Variants in RPH3A observed in about 807,000 individuals in gnomAD.
RPH3A encodes the protein rabphilin-3A.
In RPH3A, 48 loss-of-function variants were observed where a neutral mutation model predicts 102.2. That is an observed-to-expected ratio of 0.47 (90% CI 0.37 to 0.60). The LOEUF (loss-of-function observed/expected upper bound fraction) is 0.60, where lower values mean the gene tolerates loss of function less well. RPH3A is among the 20% of genes least tolerant of loss of function. The pLI, the probability that RPH3A is intolerant of heterozygous loss-of-function variation, is 0.00. For missense variants in RPH3A, 781 were observed against 910.1 expected (o/e 0.86, Z 1.83); for synonymous variants, 310 against 324.3 (o/e 0.96, Z 0.47).
At chr12:112,578,020 TC>T (rs1172387036) in intron 1 of RPH3A, among the ~76,000 whole-genome samples, 1 of 152,156 alleles carries the variant, frequency 6.6e-6, no homozygotes, top group Non-Finnish European at 1.5e-5. Context: ...AAATCTCTCT[TC>T]CCCTCTGAGT....
intron 5 of RPH3A, among the ~76,000 whole-genome samples, chr12:112,862,062 G>C (rs1012330712): frequency 2.0e-5 from 3 of 150,018 alleles, no homozygotes; most frequent in African/African-American, 7.4e-5. Flanking sequence ...GCTCACATCT[G>C]TAATCCCAAT....
At chr12:112,681,220 C>T (rs191183596) in intron 1 of RPH3A, among the ~76,000 whole-genome samples, 16 of 152,286 alleles carry the variant, frequency 1.1e-4, no homozygotes, top group Admixed American at 3.3e-4. Context: ...CTCTGCTGCC[C>T]GCTTCTCACT....
chr12:112,691,183 C>T (rs775809678), intron 1 of RPH3A, among the ~76,000 whole-genome samples: 16 of 152,194 alleles, frequency 1.1e-4, no homozygotes, highest in South Asian at 2.1e-4. Flanking sequence ...CGCCACCACG[C>T]CCGGCTAATT....
intron 1 of RPH3A, among the ~76,000 whole-genome samples, chr12:112,632,849 C>T (rs1459709262): frequency 1.3e-5 from 2 of 152,078 alleles, no homozygotes; most frequent in African/African-American, 2.4e-5. Context: ...GTGGGCAGGC[C>T]TAGCCTTATG....
chr12:112,589,823 C>T (rs761993202), intron 1 of RPH3A, among the ~76,000 whole-genome samples: 1 of 152,174 alleles, frequency 6.6e-6, no homozygotes, highest in Non-Finnish European at 1.5e-5. Flanking sequence ...TGGCTCACGC[C>T]TGTAATCCCA....
At chr12:112,611,501 C>G (rs1396751502) in intron 1 of RPH3A, among the ~76,000 whole-genome samples, 3 of 152,140 alleles carry the variant, frequency 2.0e-5, no homozygotes, top group Non-Finnish European at 4.4e-5. Flanking sequence ...TACAATGGCA[C>G]AATCTCGGCC....
intron 1 of RPH3A, among the ~76,000 whole-genome samples, chr12:112,773,943 A>G (rs2040945719): frequency 6.6e-6 from 1 of 151,820 alleles, no homozygotes; most frequent in Admixed American, 6.6e-5. Context: ...TTAACTGGGC[A>G]TAGAGGCTCA....
chr12:112,749,647 A>G (rs2040772737), intron 1 of RPH3A, among the ~76,000 whole-genome samples: 1 of 152,240 alleles, frequency 6.6e-6, no homozygotes, highest in Admixed American at 6.5e-5. Context: ...GCAAAGCTAT[A>G]TGGCAATTAA....
chr12:112,862,878 G>T (rs1320516754), intron 5 of RPH3A, among the ~76,000 whole-genome samples: 1 of 152,154 alleles, frequency 6.6e-6, no homozygotes, highest in East Asian at 1.9e-4. Context: ...GCCAGGCAGG[G>T]CTACCAGGGG....
chr12:112,684,827 C>T (rs1592942505), intron 1 of RPH3A, among the ~76,000 whole-genome samples: 1 of 152,244 alleles, frequency 6.6e-6, no homozygotes, highest in East Asian at 1.9e-4. Context: ...ATTTATTGCT[C>T]ACAGGTCTGT....
chr12:112,799,891 T>C (rs113607607), intron 2 of RPH3A, among the ~76,000 whole-genome samples: 7,282 of 152,190 alleles, frequency 0.048, 591 homozygotes, highest in African/African-American at 0.17. Flanking sequence ...AATTTGCACA[T>C]CAAACGAGTT....
At chr12:112,727,315 T>G (rs1214459854) in intron 1 of RPH3A, among the ~76,000 whole-genome samples, 1 of 149,968 alleles carries the variant, frequency 6.7e-6, no homozygotes, top group Non-Finnish European at 1.5e-5. Flanking sequence ...TGCTGGAACC[T>G]GAGAGGTGGA....
At chr12:112,752,936 T>A (rs1408471447) in intron 1 of RPH3A, among the ~76,000 whole-genome samples, 1 of 150,808 alleles carries the variant, frequency 6.6e-6, no homozygotes, top group East Asian at 1.9e-4. Context: ...CCCAACCCCT[T>A]CTAGATGTAC....
chr12:112,739,589 T>G (rs2040694040), intron 1 of RPH3A, among the ~76,000 whole-genome samples: 1 of 152,198 alleles, frequency 6.6e-6, no homozygotes, highest in Non-Finnish European at 1.5e-5. Context: ...CATTCTTCCA[T>G]GAAAGGAGCT....
chr12:112,753,086 G>T (rs992724496), intron 1 of RPH3A, among the ~76,000 whole-genome samples: 3 of 150,798 alleles, frequency 2.0e-5, no homozygotes, highest in East Asian at 1.9e-4. Flanking sequence ...GTCTAAGCAC[G>T]ATCGATTCAG....
At chr12:112,691,733 T>A (rs2040308737) in intron 1 of RPH3A, among the ~76,000 whole-genome samples, 1 of 152,240 alleles carries the variant, frequency 6.6e-6, no homozygotes, top group African/African-American at 2.4e-5. Context: ...TTAAATGAGA[T>A]AAGGCCTGGG....
At chr12:112,786,478 C>G (rs1235294586) in intron 1 of RPH3A, among the ~76,000 whole-genome samples, 1 of 152,210 alleles carries the variant, frequency 6.6e-6, no homozygotes, top group Non-Finnish European at 1.5e-5. Context: ...TGGAAAGCTG[C>G]CCTGTGACAT....
chr12:112,615,544 G>T (rs1345866751), intron 1 of RPH3A, among the ~76,000 whole-genome samples: 2 of 152,210 alleles, frequency 1.3e-5, no homozygotes, highest in Admixed American at 6.5e-5. Context: ...TCATACCAGG[G>T]TGCTTGTTCC....
chr12:112,644,037 C>T (rs2039909166), intron 1 of RPH3A, among the ~76,000 whole-genome samples: 1 of 152,168 alleles, frequency 6.6e-6, no homozygotes, highest in Admixed American at 6.5e-5. Flanking sequence ...AGTGAAATCA[C>T]TCAGAAACAG....
Sources: gnomAD v4.1 joint callset for allele counts (sites outside exome capture counted in the v4.1 genomes callset) on GRCh38, gnomAD v4.1.1 for gene constraint, MANE v1.5 for transcripts, NCBI Gene and HGNC (gene_info 2026-07-23, HGNC 2026-07-21) for gene names.